GMIP: variants seen among roughly 807,000 people sequenced by gnomAD.
GMIP encodes GEM interacting protein.
Under a neutral mutation model 105.3 loss-of-function variants are expected in GMIP, and 54 were observed. That is an observed-to-expected ratio of 0.51 (90% CI 0.41 to 0.64). The LOEUF (loss-of-function observed/expected upper bound fraction) is 0.64, where lower values mean the gene tolerates loss of function less well. Among genes scored for constraint, GMIP ranks in the 30% least tolerant of loss-of-function variants. GMIP has a pLI of 0.00. For synonymous variants in GMIP, 541 were observed against 560.8 expected (o/e 0.96, Z 0.50); for missense variants, 1,110 against 1,319.4 (o/e 0.84, Z 2.46).
In GMIP at chr19:19,636,901, C is replaced by A; in HGVS notation, c.1237+16G>T. On this transcript the variant is annotated intron_variant, in intron 12 of 20. Transcript: ENST00000203556. ...AACTCCTGGCACCACTCCCACCTGGCCCTCATTGCACTCACCTTGCCAGCG... is the reference window on the plus strand; with the variant it reads ...AACTCCTGGCACCACTCCCACCTGGACCTCATTGCACTCACCTTGCCAGCG... The A allele has an allele frequency of 6.4e-7, 1 of 1,561,388 alleles. No individual in the cohort carries two copies. Among genetic ancestry groups the A allele is most frequent in the Non-Finnish European group, 8.7e-7 (1 of 1,146,772 alleles).
At chr19:19,638,519 T>G (rs1201294520) in intron 7 of GMIP, 37 bp from the exon 8 acceptor site, 2 of 1,573,624 alleles carry the variant, frequency 1.3e-6, no homozygotes, top group African/African-American at 2.7e-5. Context: ...AGACGCTGCC[T>G]TAGGGCCAAC....
rs2061821080 is a variant in GMIP, at chr19:19,633,896, T to C, written c.2379A>G (p.Pro793=). 10 of 1,359,554 alleles carry C rather than the reference T, an allele frequency of 7.4e-6. No individual in the cohort carries two copies. In the South Asian group the frequency reaches 9.4e-5, roughly 13 times the overall value. 84.2% of individuals were successfully genotyped at this position (1,359,554 alleles called of 1,614,324 possible). A position where few individuals can be genotyped will look rare whatever the true frequency, so the allele number is the denominator to read the frequency against. Residue 793 remains proline, a synonymous_variant, in exon 19 of 21, where the codon CCA becomes CCG. Coordinates refer to ENST00000203556, the MANE Select transcript of GMIP (RefSeq NM_016573.4). ...AGGCTAGGACTGGGGGCTGGGAGTC[T>C]GGGTCAAGGTGCGGGGGTGGCGGTT... ...SSQPPPPHLD[P]DSQPPVLASD...
In GMIP at chr19:19,638,407, G is replaced by T. The variant is rs761329090; in HGVS notation, c.613C>A (p.Arg205=). The part of the protein sequence containing the change: ...FKEQWMKEQK[R]MNEAVQALRR... ...CCACCAATTCCAAGCCTCACCATCC[G>T]CTTCTGCTCCTTCATCCACTGCTCC... Residue 205 remains arginine (R), a synonymous_variant, in exon 8 of 21, where the codon CGG becomes AGG. Transcript: ENST00000203556. 1 of 1,614,048 alleles carries T rather than the reference G, an allele frequency of 6.2e-7. No individual in the cohort carries two copies. The highest frequency in any genetic ancestry group is 1.1e-5 in the South Asian group (1 of 91,076).
intron 9 of GMIP, 48 bp downstream of exon 9, chr19:19,638,111 G>A (rs949072314): frequency 1.3e-6 from 2 of 1,556,274 alleles, no homozygotes; most frequent in Non-Finnish European, 1.7e-6. Context: ...CGAGAGTGGA[G>A]GGCAGGGGGC....
chr19:19,639,075 G>A (rs370069473), intron 7 of GMIP, among the ~76,000 whole-genome samples: 5 of 150,228 alleles, frequency 3.3e-5, no homozygotes, highest in East Asian at 2.0e-4. Context: ...GTGAGACTCT[G>A]TCTCAAAAAA....
rs1315930430 is a variant in GMIP, at chr19:19,636,687, G to A, written c.1327+20C>T. On this transcript the variant is annotated intron_variant, in intron 13 of 20. Coordinates refer to ENST00000203556, the MANE Select transcript of GMIP (RefSeq NM_016573.4). ...ATGGTCACAGGTGGAGTGTGGGTCA[G>A]GACCAGGTCCTATCCCTACCTGGGC... The A allele has an allele frequency of 6.4e-7, 1 of 1,566,050 alleles. No individual in the cohort carries two copies. Among genetic ancestry groups the A allele is most frequent in the Admixed American group, 1.7e-5 (1 of 59,946 alleles).
At position 19,635,291 on chromosome 19, in the gene GMIP, A is replaced by C. The variant is rs184488122; in HGVS notation, c.1561-78T>G. 7 of 1,513,026 alleles carry C rather than the reference A, an allele frequency of 4.6e-6. No individual in the cohort carries two copies. The African/African-American group carries it at 5.5e-5, about 12-fold the overall frequency. The allele number at this position is 1,513,026 out of a possible 1,614,324, so 93.7% of individuals were successfully genotyped here. A position where few individuals can be genotyped will look rare whatever the true frequency, so the allele number is the denominator to read the frequency against. ...AGAAGGTTACAAGGATCCTCAAGGA[A>C]TGGGGGCTCATGGGAGACATCAGGT... On this transcript the variant is annotated intron_variant, in intron 15 of 20. Transcript: ENST00000203556. The surrounding 1 kb of genome is among the most constrained non-coding windows in gnomAD (Gnocchi z 4.7).
At chr19:19,640,638 C>G (rs2061909349) in intron 4 of GMIP, 67 bp from the exon 5 acceptor site, 2 of 1,537,378 alleles carry the variant, frequency 1.3e-6, no homozygotes, top group East Asian at 4.5e-5. Context: ...CCCTAAGCCC[C>G]CAGACCAGCC....
rs201957995 is a variant in GMIP at position 19,630,250 on chromosome 19, C to T, written c.2626G>A (p.Gly876Ser). 1.3e-4 allele frequency: 207 copies of T among 1,571,440 alleles called. 1 individual carries two copies. The highest frequency in any genetic ancestry group is 5.3e-4 in the Admixed American group (29 of 54,848). ...SRQPVKYPRG[G>S]VRPVTHQLSS... ...AGCTGGTGGGTTACAGGCCTCACAC[C>T]GCCCCGGGGATACTTCACTGGCTGG... Residue 876 changes from glycine (G) to serine (S), a missense_variant, in exon 21 of 21, where the codon GGT becomes AGT. Physicochemically the swap from Gly to Ser is moderately conservative, Grantham distance 56 (BLOSUM62 0). Coordinates refer to ENST00000203556, the MANE Select transcript of GMIP (RefSeq NM_016573.4). The surrounding 1 kb of genome is among the most constrained non-coding windows in gnomAD (Gnocchi z 4.8).
In GMIP at chr19:19,638,046, G is replaced by A. The variant is rs924548651; in HGVS notation, c.801C>T (p.Ala267=). Residue 267 remains alanine (A), a synonymous_variant, in exon 10 of 21, where the codon GCC becomes GCT. Coordinates refer to ENST00000203556, the MANE Select transcript of GMIP (RefSeq NM_016573.4). ...REEAQAKAQE[A]EALYQACVRE... ...GGACACAGGCCTGGTACAGCGCCTC[G>A]GCCTCCTGCGCCTGGGGAAACGGGA... is the stretch of plus-strand genomic sequence containing the variant. The A allele has an allele frequency of 2.5e-6, 4 of 1,572,186 alleles. No individual in the cohort carries two copies. The highest frequency in any genetic ancestry group is 3.4e-6 in the Non-Finnish European group (4 of 1,160,578).
At position 19,638,063 on chromosome 19, in the gene GMIP, GA is replaced by G; in HGVS notation, c.790-7del. On this transcript the variant is annotated splice_region_variant and splice_polypyrimidine_tract_variant and intron_variant, in intron 9 of 20. Transcript: ENST00000203556. The stretch of plus-strand genomic sequence containing the variant: ...AGCGCCTCGGCCTCCTGCGCCTGGG[GA>G]AACGGGAGGCCAGGAGCGGGGTGGG... The G allele has an allele frequency of 6.4e-7, 1 of 1,558,524 alleles. No homozygotes were observed. The highest frequency in any genetic ancestry group is 8.7e-7 in the Non-Finnish European group (1 of 1,154,212).
Position 19,630,492 on chromosome 19 carries a change from T to C in GMIP, c.2518A>G (p.Thr840Ala). 1 of 1,614,018 alleles carries C rather than the reference T, an allele frequency of 6.2e-7. No individual in the cohort carries two copies. The highest frequency in any genetic ancestry group is 1.1e-5 in the South Asian group (1 of 91,086). The change falls in exon 20 of 21, where the codon ACC becomes GCC. Residue 840 changes from threonine to alanine, a missense_variant. Coordinates refer to ENST00000203556, the MANE Select transcript of GMIP (RefSeq NM_016573.4). The surrounding 1 kb of genome is among the most constrained non-coding windows in gnomAD (Gnocchi z 4.8). ...SDQREDVAEDTKDGGGEVSSQ... is the reference protein window; with the variant it reads ...SDQREDVAEDAKDGGGEVSSQ... ...TCACCTTCCCCTCCCCCATCTTTGG[T>C]GTCTTCAGCCACGTCCTCTCTCTGG...
rs1568417160 is a variant in GMIP, at chr19:19,638,287, C to CA, written c.660dup (p.Val221CysfsTer16). Reference sequence around the variant, plus strand: ...GCCCGCAGGTCCTCGCTGCGTTGCACATACTGCAGCTGGGCGCGCCGCAGT... The same window carrying CA: ...GCCCGCAGGTCCTCGCTGCGTTGCACAATACTGCAGCTGGGCGCGCCGCAGT... On this transcript the variant is annotated frameshift_variant, in exon 9 of 21. Coordinates refer to ENST00000203556, the MANE Select transcript of GMIP (RefSeq NM_016573.4). LOFTEE classifies it high-confidence loss of function. 1 of 1,611,550 alleles carries CA rather than the reference C, an allele frequency of 6.2e-7. No individual in the cohort carries two copies. The highest frequency in any genetic ancestry group is 1.7e-5 in the Admixed American group (1 of 60,006).
In GMIP at chr19:19,634,440, AG is replaced by A; in HGVS notation, c.2084+66del. ...CAGAGGTCAGTGTCAGGGGTCAGCC[AG>A]GGAAGTTAGTAGTCGCATGTCCAGG... On this transcript the variant is annotated intron_variant, in intron 18 of 20. Coordinates refer to ENST00000203556, the MANE Select transcript of GMIP (RefSeq NM_016573.4). This position sits in a 1 kb window ranked among gnomAD's most constrained non-coding sequence, Gnocchi z 6.1. 1 of 1,344,644 alleles carries A rather than the reference AG, an allele frequency of 7.4e-7. No individual in the cohort carries two copies. The highest frequency in any genetic ancestry group is 1.0e-6 in the Non-Finnish European group (1 of 957,036). The allele number at this position is 1,344,644 out of a possible 1,614,324, so 83.3% of individuals were successfully genotyped here. A position where few individuals can be genotyped will look rare whatever the true frequency, so the allele number is the denominator to read the frequency against.
Position 19,637,232 on chromosome 19 carries a change from C to A in GMIP, c.1124+133G>T. 1.4e-6 allele frequency: 1 copy of A among 697,994 alleles called. No homozygotes were observed. The allele number at this position is 697,994 out of a possible 1,614,324, so 43.2% of individuals were successfully genotyped here. On this transcript the variant is annotated intron_variant, in intron 11 of 20. Coordinates refer to ENST00000203556, the MANE Select transcript of GMIP (RefSeq NM_016573.4). This position sits in a 1 kb window ranked among gnomAD's most constrained non-coding sequence, Gnocchi z 6.7. ...GGACAACCCATTCACCCTCCTATGG[C>A]CCCCGAGAGCCTGGAGTACTAAATT...
At position 19,630,999 on chromosome 19, in the gene GMIP, G is replaced by A. The variant is rs113097936; in HGVS notation, c.2473-462C>T. ...GTGGATTATCTGAGGTCAGGAGTTCGGGACCAGCCTGGCCAACATGGTGAA... is the reference window on the plus strand; with the variant it reads ...GTGGATTATCTGAGGTCAGGAGTTCAGGACCAGCCTGGCCAACATGGTGAA... On this transcript the variant is annotated intron_variant, in intron 19 of 20. Coordinates refer to ENST00000203556, the MANE Select transcript of GMIP (RefSeq NM_016573.4). This position sits in a 1 kb window ranked among gnomAD's most constrained non-coding sequence, Gnocchi z 4.8. 0.035 allele frequency among the ~76,000 whole-genome samples: 5,326 copies of A among 152,048 alleles called. 300 individuals carry two copies. Among genetic ancestry groups the A allele is most frequent in the African/African-American group, 0.12 (4,958 of 41,424 alleles).
Position 19,637,705 on chromosome 19 carries a change from C to G in GMIP, c.928-144G>C. On this transcript the variant is annotated intron_variant, in intron 10 of 20. Coordinates refer to ENST00000203556, the MANE Select transcript of GMIP (RefSeq NM_016573.4). This position sits in a 1 kb window ranked among gnomAD's most constrained non-coding sequence, Gnocchi z 6.7. ...CGGCTTAGGAACTAGGGCAGTCGGC[C>G]AGGGGACCCAGGCATGGTCAGAGCA... 2.4e-6 allele frequency: 2 copies of G among 825,352 alleles called. No individual in the cohort carries two copies. The highest frequency in any genetic ancestry group is 3.6e-6 in the Non-Finnish European group (2 of 548,890). 51.1% of individuals were successfully genotyped at this position (825,352 alleles called of 1,614,324 possible).
At chr19:19,642,851 C>T (rs1485593277) in intron 1 of GMIP, among the ~76,000 whole-genome samples, 1 of 152,078 alleles carries the variant, frequency 6.6e-6, no homozygotes, top group Non-Finnish European at 1.5e-5. Flanking sequence ...CTGGGTCTGC[C>T]TGCACCCAGA....
Position 19,634,859 on chromosome 19 carries a change from G to A in GMIP, c.1820C>T (p.Ala607Val), listed in dbSNP as rs149007394. 3.2e-5 allele frequency: 51 copies of A among 1,613,840 alleles called. No individual in the cohort carries two copies. Among genetic ancestry groups the A allele is most frequent in the Admixed American group, 5.0e-5 (3 of 60,002 alleles). Residue 607 changes from alanine (A) to valine (V), a missense_variant, in exon 17 of 21, where the codon GCG becomes GTG. Coordinates refer to ENST00000203556, the MANE Select transcript of GMIP (RefSeq NM_016573.4). This position sits in a 1 kb window ranked among gnomAD's most constrained non-coding sequence, Gnocchi z 6.1. ...RLCQAFENGR[A>V]LVELSGNSPH... ...CGAGTTCCCCGACAGCTCCACCAAC[G>A]CTCGGCCATTCTCGAAAGCCTGGCA...
Sources: gnomAD v4.1 joint callset for allele counts (sites outside exome capture counted in the v4.1 genomes callset) on GRCh38, gnomAD v4.1.1 for gene constraint, Gnocchi (gnomAD v3.1) non-coding constraint, MANE v1.5 for transcripts, NCBI Gene and HGNC (gene_info 2026-07-23, HGNC 2026-07-21) for gene names.